SLC18B1: variants seen among roughly 807,000 people sequenced by gnomAD.
SLC18B1 encodes MFS-type transporter SLC18B1.
In SLC18B1, 62 loss-of-function variants were observed where a neutral mutation model predicts 53.9. That is an observed-to-expected ratio of 1.15 (90% CI 0.94 to 1.42). The LOEUF (loss-of-function observed/expected upper bound fraction) is 1.42. Among genes scored for constraint, SLC18B1 ranks in the 40% most tolerant of loss-of-function variants. The probability of loss-of-function intolerance (pLI) is 0.00; values close to 1 mark genes in which losing one functional copy is unlikely to be tolerated. For synonymous variants in SLC18B1, 217 were observed against 200.9 expected (o/e 1.08, Z -0.68); for missense variants, 598 against 547.3 (o/e 1.09, Z -0.93).
Position 132,787,495 on chromosome 6 carries a change from G to A in SLC18B1, c.440C>T (p.Ala147Val). ...RVMDAVSFAA[A>V]MTASSSILAK... ...CAGGATAGAAGAAGATGCAGTCATTGCTGCAGCAAAGCTAACTGCATCCAT... is the reference window on the plus strand; with the variant it reads ...CAGGATAGAAGAAGATGCAGTCATTACTGCAGCAAAGCTAACTGCATCCAT... The change falls in exon 5 of 14, where the codon GCA becomes GTA. Residue 147 changes from alanine (A) to valine (V), a missense_variant. Transcript: ENST00000275227. 6.2e-7 allele frequency: 1 copy of A among 1,608,944 alleles called. No homozygotes were observed.
At chr6:132,788,176 A>G (rs1444367427) in intron 4 of SLC18B1, among the ~76,000 whole-genome samples, 2 of 109,000 alleles carry the variant, frequency 1.8e-5, no homozygotes, top group East Asian at 2.1e-4. Flanking sequence ...AAAGAAAAAG[A>G]AAAAAAAAAA....
At chr6:132,776,460 T>A (rs1220231656) in intron 7 of SLC18B1, 31 bp from the exon 8 acceptor site, 1 of 1,532,130 alleles carries the variant, frequency 6.5e-7, no homozygotes, top group Admixed American at 1.7e-5. Context: ...TAAAGTTACA[T>A]AATTAAGTCA....
intron 1 of SLC18B1, 87 bp from the exon 2 acceptor site, chr6:132,797,208 A>G: frequency 6.6e-7 from 1 of 1,507,572 alleles, no homozygotes; most frequent in Non-Finnish European, 9.1e-7. Context: ...CATATGTTGC[A>G]CTCTGAAGAT....
chr6:132,792,605 T>C lies in SLC18B1; in HGVS notation c.184-2333A>G, dbSNP rs1026011910. On this transcript the variant is annotated intron_variant, in intron 2 of 13. Coordinates refer to ENST00000275227, the MANE Select transcript of SLC18B1 (RefSeq NM_052831.3). ...AACAACAATTAAATTAAATAAAGGA[T>C]ACATTTTTAGCTGGCCTCATTTATA... Among the ~76,000 whole-genome samples, 7 of 152,168 alleles carry C rather than the reference T, an allele frequency of 4.6e-5. No individual in the cohort carries two copies. The East Asian group carries it at 1.4e-3, about 29-fold the overall frequency.
In SLC18B1 at chr6:132,774,108, A is replaced by G. The variant is rs1022539715; in HGVS notation, c.989+114T>C. 9 of 616,652 alleles carry G rather than the reference A, an allele frequency of 1.5e-5. No homozygotes were observed. The Admixed American group carries it at 1.7e-4, about 12-fold the overall frequency. The allele number at this position is 616,652 out of a possible 1,614,324, so 38.2% of individuals were successfully genotyped here. A position where few individuals can be genotyped will look rare whatever the true frequency, so the allele number is the denominator to read the frequency against. ...AACAATTCAATAGAGTCCTAAAGTT[A>G]ATTATTTAAATATTAATGTTCAAAA... On this transcript the variant is annotated intron_variant, in intron 9 of 13. Coordinates refer to ENST00000275227, the MANE Select transcript of SLC18B1 (RefSeq NM_052831.3).
chr6:132,786,184 T>G (rs1252684786), intron 5 of SLC18B1, among the ~76,000 whole-genome samples: 2 of 152,148 alleles, frequency 1.3e-5, no homozygotes, highest in Non-Finnish European at 2.9e-5. Context: ...GTAAATGGTA[T>G]GCCGGCCAAA....
At chr6:132,792,358 A>AAGG (rs1781570552) in intron 2 of SLC18B1, among the ~76,000 whole-genome samples, 1 of 102,124 alleles carries the variant, frequency 9.8e-6, no homozygotes, top group East Asian at 2.3e-4. Context: ...GAAGGAAGGG[A>AAGG]AAGAAAGAAA....
Position 132,771,163 on chromosome 6 carries a change from T to G in SLC18B1, c.1161-34A>C, listed in dbSNP as rs753127395. 2.1e-4 allele frequency: 330 copies of G among 1,564,922 alleles called. 2 individuals are homozygous for G. The highest frequency in any genetic ancestry group is 6.7e-4 in the Middle Eastern group (4 of 5,944). On this transcript the variant is annotated intron_variant, in intron 11 of 13. Coordinates refer to ENST00000275227, the MANE Select transcript of SLC18B1 (RefSeq NM_052831.3). ...AGAAAGAAGAAAAAGTATTCAATAG[T>G]GCAAAAAATAAATAATTACTTCATG...
intron 8 of SLC18B1, among the ~76,000 whole-genome samples, chr6:132,774,961 ATACC>A (rs1252942366): frequency 6.6e-6 from 1 of 152,186 alleles, no homozygotes; most frequent in African/African-American, 2.4e-5. Context: ...AATAGTTACA[ATACC>A]TAGAAAAATC....
chr6:132,792,225 C>CAGAAAGAAAGAGAAAGAAAGAA (rs1781542016), intron 2 of SLC18B1, among the ~76,000 whole-genome samples: 1 of 44,538 alleles, frequency 2.2e-5, no homozygotes, highest in African/African-American at 7.5e-5. Context: ...AAGACACTGT[C>CAGAAAGAAAGAGAAAGAAAGAA]AGAAAGAAAG....
At chr6:132,790,846 C>T (rs952530614) in intron 2 of SLC18B1, among the ~76,000 whole-genome samples, 1 of 152,044 alleles carries the variant, frequency 6.6e-6, no homozygotes, top group African/African-American at 2.4e-5. Context: ...AGAGATGCTC[C>T]CCTGACATTC....
At chr6:132,778,974 C>G (rs1312277191) in intron 7 of SLC18B1, among the ~76,000 whole-genome samples, 1 of 152,152 alleles carries the variant, frequency 6.6e-6, no homozygotes, top group East Asian at 1.9e-4. Context: ...GGAAAAGTGT[C>G]CTTGTTAAGC....
At chr6:132,786,389 CA>C (rs11398046) in intron 5 of SLC18B1, among the ~76,000 whole-genome samples, 3 of 149,824 alleles carry the variant, frequency 2.0e-5, no homozygotes, top group African/African-American at 7.3e-5. Context: ...ACTAAAAATA[CA>C]AAAAAAAATG....
chr6:132,774,938 C>A (rs1490731335), intron 8 of SLC18B1, among the ~76,000 whole-genome samples: 1 of 151,910 alleles, frequency 6.6e-6, no homozygotes, highest in Admixed American at 6.6e-5. Context: ...ACAAAAAAAA[C>A]CCACCAAGTA....
At chr6:132,777,151 G>T (rs1781118922) in intron 7 of SLC18B1, among the ~76,000 whole-genome samples, 2 of 152,118 alleles carry the variant, frequency 1.3e-5, no homozygotes, top group South Asian at 4.1e-4. Flanking sequence ...GGAGGCAGGA[G>T]AATTGCTTGA....
chr6:132,785,915 A>AAAAAAAAAAAAG lies in SLC18B1; in HGVS notation c.501+1518_501+1519insCTTTTTTTTTTT, dbSNP rs1562267880. Among the ~76,000 whole-genome samples, 6 of 148,538 alleles carry AAAAAAAAAAAAG rather than the reference A, an allele frequency of 4.0e-5. No homozygotes were observed. The East Asian group carries it at 1.2e-3, about 29-fold the overall frequency. On this transcript the variant is annotated intron_variant, in intron 5 of 13. Coordinates refer to ENST00000275227, the MANE Select transcript of SLC18B1 (RefSeq NM_052831.3). ...GTCTCTACAAAAAAAAAAAAAAAAA[A>AAAAAAAAAAAAG]AGAAAGAAAAAAAGAAAAAAGAAAA...
chr6:132,796,032 GC>G (rs896862636), intron 2 of SLC18B1, among the ~76,000 whole-genome samples: 1 of 151,956 alleles, frequency 6.6e-6, no homozygotes, highest in Admixed American at 6.6e-5. Context: ...GCCCAACATG[GC>G]AAAAACCTGT....
chr6:132,776,782 T>C (rs187373280), intron 7 of SLC18B1, among the ~76,000 whole-genome samples: 37 of 152,326 alleles, frequency 2.4e-4, no homozygotes, highest in African/African-American at 8.4e-4. Context: ...ATTCCAACCA[T>C]AGGGTTTCTG....
At chr6:132,798,285 C>A in intron 1 of SLC18B1, 129 bp downstream of exon 1, 5 of 1,012,232 alleles carry the variant, frequency 4.9e-6, no homozygotes, top group Non-Finnish European at 6.6e-6. Context: ...CCGAACCCCA[C>A]GATCAGGCCC....
Sources: allele counts gnomAD v4.1 joint callset (sites outside exome capture counted in the v4.1 genomes callset), GRCh38; gene constraint gnomAD v4.1.1; transcripts MANE v1.5; gene names NCBI Gene and HGNC (gene_info 2026-07-23, HGNC 2026-07-21).